The following FABP12 variants were observed in gnomAD, a reference collection of about 807,000 sequenced individuals.
The protein encoded by FABP12 is fatty acid-binding protein 12.
A neutral mutation model predicts 13.7 loss-of-function variants in FABP12; 19 were observed. The observed-to-expected ratio is 1.39, with a 90% CI of 0.97 to 2.04. The LOEUF (loss-of-function observed/expected upper bound fraction) is 2.04. FABP12 is among the 30% of genes most tolerant of loss of function. FABP12 has a pLI of 0.00. For missense variants in FABP12, 182 were observed against 164.2 expected (o/e 1.11, Z -0.59); for synonymous variants, 61 against 57.0 (o/e 1.07, Z -0.32).
chr8:81,528,401 T>C (rs1205517531), intron 3 of FABP12, among the ~76,000 whole-genome samples: 1 of 152,182 alleles, frequency 6.6e-6, no homozygotes, highest in Admixed American at 6.6e-5. Flanking sequence ...TCTAGTAGAT[T>C]TTTAAGAATT....
intron 1 of FABP12, among the ~76,000 whole-genome samples, chr8:81,553,857 G>A (rs528300490): frequency 1.4e-4 from 21 of 152,202 alleles, no homozygotes; most frequent in Non-Finnish European, 3.1e-4. Flanking sequence ...TGTTCTGGAT[G>A]CTACAGGGTC....
At chr8:81,543,412 A>G (rs1430303823) in intron 1 of FABP12, among the ~76,000 whole-genome samples, 1 of 152,202 alleles carries the variant, frequency 6.6e-6, no homozygotes, top group East Asian at 1.9e-4. Context: ...AAGGAACACA[A>G]GGTGGAAAAC....
chr8:81,542,192 C>T (rs868744446), intron 1 of FABP12, among the ~76,000 whole-genome samples: 1 of 152,114 alleles, frequency 6.6e-6, no homozygotes, highest in African/African-American at 2.4e-5. Context: ...GCCTTGACCT[C>T]CTTCTCTTGA....
intron 1 of FABP12, among the ~76,000 whole-genome samples, chr8:81,577,595 T>C (rs1162805551): frequency 6.6e-6 from 1 of 151,996 alleles, no homozygotes; most frequent in Non-Finnish European, 1.5e-5. Context: ...CTTGTCTCTA[T>C]TAAAAACACA....
intron 1 of FABP12, among the ~76,000 whole-genome samples, chr8:81,557,289 A>G (rs914090044): frequency 6.6e-6 from 1 of 152,230 alleles, no homozygotes; most frequent in African/African-American, 2.4e-5. Flanking sequence ...CTTATAAAAC[A>G]CAATTATGCT....
intron 1 of FABP12, among the ~76,000 whole-genome samples, chr8:81,579,829 G>T (rs1435795831): frequency 2.6e-5 from 4 of 151,898 alleles, no homozygotes; most frequent in African/African-American, 7.3e-5. Flanking sequence ...TCTGAAAATT[G>T]GTTTTTATTC....
chr8:81,567,597 T>C (rs1340934100), intron 1 of FABP12, among the ~76,000 whole-genome samples: 3 of 152,200 alleles, frequency 2.0e-5, no homozygotes, highest in Non-Finnish European at 4.4e-5. Flanking sequence ...AGAAACTGGA[T>C]ATCCATATGC....
chr8:81,588,232 T>G (rs111852283), intron 1 of FABP12, among the ~76,000 whole-genome samples: 50 of 152,338 alleles, frequency 3.3e-4, no homozygotes, highest in Non-Finnish European at 6.6e-4. Flanking sequence ...ACACTCAATA[T>G]TAACCATCAC....
At chr8:81,538,497 T>C (rs1260544676), upstream of FABP12, among the ~76,000 whole-genome samples, 2 of 152,134 alleles carry the variant, frequency 1.3e-5, no homozygotes, top group African/African-American at 4.8e-5. Context: ...CATATGTTCT[T>C]ATAAGAGAAA....
chr8:81,573,036 A>G (rs1809965006), intron 1 of FABP12, among the ~76,000 whole-genome samples: 1 of 152,172 alleles, frequency 6.6e-6, no homozygotes, highest in African/African-American at 2.4e-5. Flanking sequence ...GCTAATGTCT[A>G]GAGGGTTTCT....
rs7825342 is a variant in FABP12, at chr8:81,578,001, A to C, written c.-185+12052T>G. On this transcript the variant is annotated intron_variant, in intron 1 of 5. Coordinates refer to the FABP12 transcript ENST00000692030. Reference sequence around the variant, plus strand: ...TTATTTGTTTTTACTAAATATCCCAATAGACCCATGGAAGGTTGATTGTGG... The same window carrying C: ...TTATTTGTTTTTACTAAATATCCCACTAGACCCATGGAAGGTTGATTGTGG... Among the ~76,000 whole-genome samples, 21 of 152,294 alleles carry C rather than the reference A, an allele frequency of 1.4e-4. No individual in the cohort carries two copies. The East Asian group carries it at 4.0e-3, about 29-fold the overall frequency.
At chr8:81,545,761 G>A (rs1027469678) in intron 1 of FABP12, among the ~76,000 whole-genome samples, 2 of 152,016 alleles carry the variant, frequency 1.3e-5, no homozygotes, top group Non-Finnish European at 2.9e-5. Context: ...AAGTTTTTTG[G>A]ACTTAAAGGA....
exon 2 of FABP12, among the ~76,000 whole-genome samples, chr8:81,539,664 G>C (rs1024361042): frequency 6.6e-6 from 1 of 152,072 alleles, no homozygotes; most frequent in Non-Finnish European, 1.5e-5. Flanking sequence ...CTGCTCTTAG[G>C]GTTGAGTGCT....
intron 1 of FABP12, among the ~76,000 whole-genome samples, chr8:81,565,267 TAGAC>T (rs1809796378): frequency 6.6e-6 from 1 of 152,036 alleles, no homozygotes; most frequent in Non-Finnish European, 1.5e-5. Context: ...TATTCAGAAT[TAGAC>T]AGACTATCCA....
chr8:81,577,855 A>G (rs1810079468), intron 1 of FABP12, among the ~76,000 whole-genome samples: 1 of 152,244 alleles, frequency 6.6e-6, no homozygotes, highest in South Asian at 2.1e-4. Context: ...AATAGCTACA[A>G]TGTTTTGTGT....
chr8:81,583,463 AAAAG>A (rs1000668645), intron 1 of FABP12, among the ~76,000 whole-genome samples: 7 of 152,094 alleles, frequency 4.6e-5, no homozygotes, highest in African/African-American at 1.4e-4. Context: ...AATCAAGAAA[AAAAG>A]AAAGAATGCC....
rs201080996 is a variant in FABP12, at chr8:81,529,455, C to G, written c.229G>C (p.Gly77Arg). 3.2e-5 allele frequency: 52 copies of G among 1,613,904 alleles called. 1 individual carries two copies. In the Admixed American group the frequency reaches 8.5e-4, roughly 26 times the overall value. ...GGCCTCACCTTTGTTTTGTGGCCAC[C>G]TGGCGTGATTTCCTCAAACTCTTCT... is the stretch of plus-strand genomic sequence containing the variant. The change falls in exon 3 of 5, where the codon GGT (glycine) becomes CGT (arginine). Residue 77 changes from glycine to arginine, a missense_variant. Transcript: ENST00000360464.
At chr8:81,553,431 T>C (rs1458351587) in intron 1 of FABP12, among the ~76,000 whole-genome samples, 1 of 152,222 alleles carries the variant, frequency 6.6e-6, no homozygotes, top group African/African-American at 2.4e-5. Flanking sequence ...CACAGTGCTA[T>C]TGTACCAATT....
At chr8:81,582,118 A>ATTTTTTTTTTTT (rs34960860) in intron 1 of FABP12, among the ~76,000 whole-genome samples, 1 of 96,786 alleles carries the variant, frequency 1.0e-5, no homozygotes, top group Non-Finnish European at 1.9e-5. Context: ...GCTAACTGGA[A>ATTTTTTTTTTTT]TTTTTTTTTT....
Sources: gnomAD v4.1 joint callset for allele counts (sites outside exome capture counted in the v4.1 genomes callset) on GRCh38, gnomAD v4.1.1 for gene constraint, MANE v1.5 for transcripts, NCBI Gene and HGNC (gene_info 2026-07-23, HGNC 2026-07-21) for gene names.